The following NPAS3 variants were observed in gnomAD, a reference collection of about 807,000 sequenced individuals.
NPAS3 encodes the protein neuronal PAS domain protein 3, also known as neuronal PAS domain-containing protein 3.
A neutral mutation model predicts 73.1 loss-of-function variants in NPAS3; 14 were observed. The observed-to-expected ratio is 0.19, with a 90% CI of 0.13 to 0.30. The LOEUF (loss-of-function observed/expected upper bound fraction) is 0.30, where lower values mean the gene tolerates loss of function less well. NPAS3 is among the 10% of genes least tolerant of loss of function. The pLI is 1.00. For synonymous variants in NPAS3, 620 were observed against 541.5 expected, an observed-to-expected ratio of 1.14 and a Z score of -2.01; for missense variants, 1,096 against 1,250.0, an observed-to-expected ratio of 0.88 and a Z score of 1.86.
At chr14:33,438,344 T>C (rs769124162) in intron 4 of NPAS3, among the ~76,000 whole-genome samples, 7 of 152,178 alleles carry the variant, frequency 4.6e-5, no homozygotes, top group Admixed American at 1.3e-4. Flanking sequence ...GCAGTAAGAC[T>C]CTCCATGTGG....
At chr14:33,388,934 T>C (rs1450790310) in intron 4 of NPAS3, among the ~76,000 whole-genome samples, 1 of 152,196 alleles carries the variant, frequency 6.6e-6, no homozygotes, top group Admixed American at 6.5e-5. Flanking sequence ...TCATACTTGA[T>C]AACTTCACTG....
At chr14:33,288,822 G>A (rs1046181663) in intron 3 of NPAS3, among the ~76,000 whole-genome samples, 1 of 152,014 alleles carries the variant, frequency 6.6e-6, no homozygotes, top group Non-Finnish European at 1.5e-5. Flanking sequence ...CACCCACAAA[G>A]CAAAATATCT....
chr14:33,108,904 A>ATATCTATTG, intron 2 of NPAS3, among the ~76,000 whole-genome samples: 1 of 152,272 alleles, frequency 6.6e-6, no homozygotes, highest in South Asian at 2.1e-4. Context: ...TGCGTTTGTC[A>ATATCTATTG]TATCTATTGG....
intron 3 of NPAS3, among the ~76,000 whole-genome samples, chr14:33,308,470 T>C (rs1235220115): frequency 6.7e-6 from 1 of 149,688 alleles, no homozygotes; most frequent in Non-Finnish European, 1.5e-5. Context: ...TTTGGAAATT[T>C]GAAAATAGCC....
At chr14:33,511,479 A>C (rs1303439643) in intron 4 of NPAS3, among the ~76,000 whole-genome samples, 1 of 152,088 alleles carries the variant, frequency 6.6e-6, no homozygotes, top group Admixed American at 6.6e-5. Flanking sequence ...ACAAGATCGA[A>C]GGATATAAAA....
chr14:33,691,960 A>T (rs2060247949), intron 6 of NPAS3, among the ~76,000 whole-genome samples: 1 of 152,212 alleles, frequency 6.6e-6, no homozygotes, highest in Non-Finnish European at 1.5e-5. Context: ...CTATTCATAA[A>T]GATTTTATTT....
At chr14:33,279,285 G>A (rs915550420) in intron 3 of NPAS3, among the ~76,000 whole-genome samples, 3 of 152,094 alleles carry the variant, frequency 2.0e-5, no homozygotes, top group Non-Finnish European at 4.4e-5. Context: ...TAATAATAAT[G>A]ACTATTTCAT....
At chr14:33,260,121 G>A (rs1485981159) in intron 3 of NPAS3, among the ~76,000 whole-genome samples, 3 of 152,250 alleles carry the variant, frequency 2.0e-5, no homozygotes, top group South Asian at 2.1e-4. Context: ...AATGGCTAAT[G>A]TCTGACTTTC....
chr14:33,195,087 C>T (rs2139533350), intron 2 of NPAS3, among the ~76,000 whole-genome samples: 1 of 152,086 alleles, frequency 6.6e-6, no homozygotes, highest in South Asian at 2.1e-4. Flanking sequence ...ACACAGCAAC[C>T]AACGTGTATT....
chr14:33,482,871 A>G (rs559702806), intron 4 of NPAS3, among the ~76,000 whole-genome samples: 1 of 152,326 alleles, frequency 6.6e-6, no homozygotes, highest in East Asian at 1.9e-4. Flanking sequence ...AGTTGGAACT[A>G]AAGAATTGTG....
At chr14:33,343,002 A>G (rs2044558674) in intron 3 of NPAS3, among the ~76,000 whole-genome samples, 1 of 152,152 alleles carries the variant, frequency 6.6e-6, no homozygotes, top group Admixed American at 6.5e-5. Flanking sequence ...CTTTTGTTGC[A>G]TGTTTAATTC....
At chr14:33,251,602 T>C (rs898915632) in intron 3 of NPAS3, among the ~76,000 whole-genome samples, 5 of 152,110 alleles carry the variant, frequency 3.3e-5, no homozygotes, top group African/African-American at 1.2e-4. Flanking sequence ...TTTAATATTT[T>C]TTCTTCTACT....
At chr14:33,394,420 G>A (rs2047136116) in intron 4 of NPAS3, among the ~76,000 whole-genome samples, 1 of 152,088 alleles carries the variant, frequency 6.6e-6, no homozygotes, top group African/African-American at 2.4e-5. Flanking sequence ...CCAGAATTAA[G>A]GTAAAATATA....
chr14:33,383,088 TAAAAAAA>T (rs34877774), intron 4 of NPAS3, among the ~76,000 whole-genome samples: 121 of 104,294 alleles, frequency 1.2e-3, no homozygotes, highest in African/African-American at 3.7e-3. Context: ...GACCCTGTCT[TAAAAAAA>T]AAAAAAAAAA....
At chr14:33,784,751 T>TTTTTTTTTTTTTTTTTTA (rs2063110602) in intron 9 of NPAS3, among the ~76,000 whole-genome samples, 1 of 114,876 alleles carries the variant, frequency 8.7e-6, no homozygotes, top group African/African-American at 3.9e-5. Flanking sequence ...ATTTATTTTT[T>TTTTTTTTTTTTTTTTTTA]TTTTTTTTTT....
chr14:33,717,232 A>C, intron 6 of NPAS3, among the ~76,000 whole-genome samples: 2 of 87,318 alleles, frequency 2.3e-5, no homozygotes, highest in Non-Finnish European at 4.9e-5. Flanking sequence ...ATCATGGCCA[A>C]AAAAAAAAAA....
At position 33,044,630 on chromosome 14, in the gene NPAS3, A is replaced by G. The variant is rs142771040; in HGVS notation, c.51-11275A>G. On this transcript the variant is annotated intron_variant, in intron 1 of 11. Coordinates refer to ENST00000356141, the Ensembl canonical transcript of NPAS3. The stretch of plus-strand genomic sequence containing the variant: ...TAGGATATGATGAATTTCTGCCTTC[A>G]GAATTCTAAGAGTGAGTTAGTTTGT... Among the ~76,000 whole-genome samples, 728 of 151,870 alleles carry G rather than the reference A, an allele frequency of 4.8e-3. 8 individuals are homozygous for G. Among genetic ancestry groups the G allele is most frequent in the African/African-American group, 0.016 (675 of 41,446 alleles).
intron 5 of NPAS3, among the ~76,000 whole-genome samples, chr14:33,660,493 G>A (rs2059275284): frequency 6.6e-6 from 1 of 152,174 alleles, no homozygotes; most frequent in Non-Finnish European, 1.5e-5. Flanking sequence ...TCTTGGTATG[G>A]ATTGCATGAA....
intron 1 of NPAS3, among the ~76,000 whole-genome samples, chr14:32,995,674 A>G (rs1371778953): frequency 6.6e-6 from 1 of 152,202 alleles, no homozygotes; most frequent in Non-Finnish European, 1.5e-5. Flanking sequence ...GTTTCTCTGT[A>G]CAGGCTTTCT....
Sources: allele counts gnomAD v4.1 joint callset (sites outside exome capture counted in the v4.1 genomes callset), GRCh38; gene constraint gnomAD v4.1.1; transcripts MANE v1.5; gene names NCBI Gene and HGNC (gene_info 2026-07-23, HGNC 2026-07-21).